NDOR1: variants seen among roughly 807,000 people sequenced by gnomAD.
NDOR1 encodes NADPH dependent diflavin oxidoreductase 1, also known as NADPH-dependent diflavin oxidoreductase 1.
NDOR1 carries 61 observed loss-of-function variants against 67.2 expected under a neutral mutation model. The ratio of observed to expected loss-of-function variants is 0.91; its 90% CI spans 0.74 to 1.12. The LOEUF is 1.12. NDOR1 is among the 50% of genes most tolerant of loss of function. The probability of loss-of-function intolerance (pLI) is 0.00; values close to 1 mark genes in which losing one functional copy is unlikely to be tolerated. For synonymous variants in NDOR1, 378 were observed against 343.7 expected (o/e 1.10, Z -1.10); for missense variants, 878 against 802.8 (o/e 1.09, Z -1.13).
chr9:137,207,081 C>T (rs1314783152), intron 2 of NDOR1, among the ~76,000 whole-genome samples: 3 of 151,992 alleles, frequency 2.0e-5, no homozygotes, highest in Admixed American at 6.6e-5. Context: ...GTAACCACAG[C>T]AAGGCAGATG....
rs1835710904 is a variant in NDOR1 at position 137,218,046 on chromosome 9, AGGCAGCAG to A, written c.*1636_*1643del. The A allele has an allele frequency of 2.5e-6, 1 of 399,454 alleles. No homozygotes were observed. Among genetic ancestry groups the A allele is most frequent in the Admixed American group, 4.4e-5 (1 of 22,728 alleles). 24.7% of individuals were successfully genotyped at this position (399,454 alleles called of 1,614,324 possible). On this transcript the variant is annotated 3_prime_UTR_variant, in exon 14 of 14. Coordinates refer to ENST00000684003, the MANE Select transcript of NDOR1 (RefSeq NM_014434.4). Reference sequence around the variant, plus strand: ...ACCTGGAAGGAGGAGGGGAGAGAGCAGGCAGCAGGGCAGGGGGAAGAGGAGGAGTGCCC... The same window carrying A: ...ACCTGGAAGGAGGAGGGGAGAGAGCAGGCAGGGGGAAGAGGAGGAGTGCCC...
At chr9:137,213,528 C>T (rs1032463794) in intron 3 of NDOR1, among the ~76,000 whole-genome samples, 1 of 152,218 alleles carries the variant, frequency 6.6e-6, no homozygotes, top group Non-Finnish European at 1.5e-5. Context: ...CCCACCCACA[C>T]AGGCTCATTC....
At chr9:137,207,872 C>T (rs1240103708) in intron 2 of NDOR1, among the ~76,000 whole-genome samples, 3 of 152,154 alleles carry the variant, frequency 2.0e-5, no homozygotes, top group Admixed American at 1.3e-4. Context: ...GGGCCGGCTG[C>T]GGTGGCTCAC....
In NDOR1 at chr9:137,216,391, G is replaced by T; in HGVS notation, c.1769G>T (p.Arg590Leu). 1 of 1,605,812 alleles carries T rather than the reference G, an allele frequency of 6.2e-7. No homozygotes were observed. The stretch of plus-strand genomic sequence containing the variant: ...CTAGCCAGGCTCCAGCAGACACGGC[G>T]CTTCCAGACAGAGACGTGGGCCTGA... ...AYLARLQQTR[R>L]FQTETWA The change falls in exon 14 of 14, where the codon CGC becomes CTC. Residue 590 changes from arginine (R) to leucine (L), a missense_variant. By Grantham distance (102) the Arg-to-Leu change is moderately radical. Coordinates refer to ENST00000684003, the MANE Select transcript of NDOR1 (RefSeq NM_014434.4).
chr9:137,215,097 G>T lies in NDOR1; in HGVS notation c.1068G>T (p.Val356=), dbSNP rs748099024. ...ACCCTGAGACTCTCTTTGCCTAGGT[G>T]CTCTGTGACTTCCCGCACACAGCTG... ...CNRPRRTILE[V]LCDFPHTAAA... Residue 356 remains valine, a splice_region_variant and synonymous_variant, in exon 9 of 14, where the codon GTG becomes GTT. Coordinates refer to ENST00000684003, the MANE Select transcript of NDOR1 (RefSeq NM_014434.4). 7.4e-6 allele frequency: 12 copies of T among 1,613,720 alleles called. No homozygotes were observed. The Admixed American group carries it at 1.8e-4, about 25-fold the overall frequency.
At chr9:137,207,487 C>T (rs570131194) in intron 2 of NDOR1, among the ~76,000 whole-genome samples, 3 of 151,920 alleles carry the variant, frequency 2.0e-5, no homozygotes, top group Non-Finnish European at 4.4e-5. Flanking sequence ...GATCCTGGGG[C>T]GGAGATAGGT....
chr9:137,215,124 C>T lies in NDOR1; in HGVS notation c.1095C>T (p.Ala365=), dbSNP rs200762867. The T allele has an allele frequency of 6.1e-5, 98 of 1,613,734 alleles. No individual in the cohort carries two copies. Among genetic ancestry groups the T allele is most frequent in the South Asian group, 3.6e-4 (33 of 91,042 alleles). ...EVLCDFPHTA[A]AIPPDYLLDL... ...TCTGTGACTTCCCGCACACAGCTGC[C>T]GCCATCCCTCCCGACTACCTGTTGG... Residue 365 remains alanine, a synonymous_variant, in exon 9 of 14, where the codon GCC becomes GCT. Transcript: ENST00000684003.
chr9:137,210,899 G>T (rs529939020), intron 2 of NDOR1, among the ~76,000 whole-genome samples: 1 of 152,340 alleles, frequency 6.6e-6, no homozygotes, highest in Non-Finnish European at 1.5e-5. Flanking sequence ...CCAACACTTT[G>T]GGAGGCCGAG....
chr9:137,215,016 G>C lies in NDOR1; in HGVS notation c.1063G>C (p.Glu355Gln). The stretch of plus-strand genomic sequence containing the variant: ...CAACCGGCCCCGCAGGACCATCCTG[G>C]AGGTGAGATGGGAGGGCGGCAGGCC... ...YCNRPRRTIL[E>Q]VLCDFPHTAA... Residue 355 changes from glutamate to glutamine, a missense_variant and splice_region_variant, in exon 8 of 14, where the codon GAG becomes CAG. Transcript: ENST00000684003. The C allele has an allele frequency of 5.0e-6, 8 of 1,611,782 alleles. No individual in the cohort carries two copies. Among genetic ancestry groups the C allele is most frequent in the Non-Finnish European group, 6.8e-6 (8 of 1,178,336 alleles).
At position 137,216,452 on chromosome 9, in the gene NDOR1, C is replaced by A; in HGVS notation, c.*36C>A. On this transcript the variant is annotated 3_prime_UTR_variant, in exon 14 of 14. Transcript: ENST00000684003. ...TGCCCGTGCCCCCTCTGACAGCCAT[C>A]CTCCTGGGAGCCCAGGAAGGCATCC... The A allele has an allele frequency of 1.3e-6, 2 of 1,579,308 alleles. No homozygotes were observed. The highest frequency in any genetic ancestry group is 2.2e-5 in the South Asian group (2 of 89,904).
At position 137,216,706 on chromosome 9, in the gene NDOR1, G is replaced by A. The variant is rs1200071558; in HGVS notation, c.*290G>A. On this transcript the variant is annotated 3_prime_UTR_variant, in exon 14 of 14. Coordinates refer to ENST00000684003, the MANE Select transcript of NDOR1 (RefSeq NM_014434.4). ...CCCAGTCAAGGTGGTGGCCTGGGCC[G>A]CTCCACCTCACCGGTGCAGTGACCC... 1.7e-5 allele frequency: 8 copies of A among 473,374 alleles called. No homozygotes were observed. Among genetic ancestry groups the A allele is most frequent in the South Asian group, 8.9e-5 (4 of 44,980 alleles). The allele number at this position is 473,374 out of a possible 1,614,324, so 29.3% of individuals were successfully genotyped here. A position where few individuals can be genotyped will look rare whatever the true frequency, so the allele number is the denominator to read the frequency against.
At chr9:137,210,360 C>T (rs1386648380) in intron 2 of NDOR1, among the ~76,000 whole-genome samples, 1 of 151,916 alleles carries the variant, frequency 6.6e-6, no homozygotes, top group Non-Finnish European at 1.5e-5. Context: ...GTAGCAGGGA[C>T]TGCAGGTGCG....
chr9:137,206,819 G>A (rs1157010276), intron 2 of NDOR1, among the ~76,000 whole-genome samples: 1 of 152,170 alleles, frequency 6.6e-6, no homozygotes, highest in Non-Finnish European at 1.5e-5. Flanking sequence ...AAGGGGCATC[G>A]AGCCTTATCT....
At position 137,219,185 on chromosome 9, in the gene NDOR1, G is replaced by A. The variant is rs1317752068; in HGVS notation, c.*2769G>A. ...TTGATCAGGCCCAGACCAGGTGGGG[G>A]TTGGCGCTGGCCTGTGTTGCAGGGG... On this transcript the variant is annotated 3_prime_UTR_variant, in exon 14 of 14. Transcript: ENST00000684003. 1.3e-5 allele frequency: 2 copies of A among 152,382 alleles called. No individual in the cohort carries two copies. The highest frequency in any genetic ancestry group is 2.4e-5 in the African/African-American group (1 of 41,464). The allele number at this position is 152,382 out of a possible 1,614,324, so 9.4% of individuals were successfully genotyped here.
At chr9:137,214,447 G>C (rs1835426474) in intron 6 of NDOR1, 34 bp downstream of exon 6, 12 of 1,564,306 alleles carry the variant, frequency 7.7e-6, no homozygotes, top group Non-Finnish European at 1.0e-5. Context: ...AGGGCAAGGT[G>C]AGGTGGGCCG....
chr9:137,212,429 C>T lies in NDOR1; in HGVS notation c.214-73C>T. 7.3e-7 allele frequency: 1 copy of T among 1,364,644 alleles called. No individual in the cohort carries two copies. The highest frequency in any genetic ancestry group is 1.7e-5 in the Admixed American group (1 of 59,194). 84.5% of individuals were successfully genotyped at this position (1,364,644 alleles called of 1,614,324 possible). ...ACCCACCTGCCTGTTCCCCTGAGACCCTCCCCTCACCCCCTGCTGTGGGGC... is the reference window on the plus strand; with the variant it reads ...ACCCACCTGCCTGTTCCCCTGAGACTCTCCCCTCACCCCCTGCTGTGGGGC... On this transcript the variant is annotated intron_variant, in intron 2 of 13. Coordinates refer to ENST00000684003, the MANE Select transcript of NDOR1 (RefSeq NM_014434.4). The surrounding 1 kb of genome is among the most constrained non-coding windows in gnomAD (Gnocchi z 4.3).
At position 137,216,002 on chromosome 9, in the gene NDOR1, C is replaced by G; in HGVS notation, c.1539C>G (p.Ala513=). 2 of 1,613,516 alleles carry G rather than the reference C, an allele frequency of 1.2e-6. No homozygotes were observed. The highest frequency in any genetic ancestry group is 1.7e-6 in the Non-Finnish European group (2 of 1,180,022). Residue 513 remains alanine (A), a synonymous_variant, in exon 12 of 14, where the codon GCC becomes GCG. Transcript: ENST00000684003. Reference sequence around the variant, plus strand: ...GGGACTGTCTGACCCTCATCCCTGCCTTCTCCCGGGAACAGGTGTGTATGC... The same window carrying G: ...GGGACTGTCTGACCCTCATCCCTGCGTTCTCCCGGGAACAGGTGTGTATGC... ...EKRDCLTLIP[A]FSREQEQKVY...
rs1835374643 is a variant in NDOR1 at position 137,213,726 on chromosome 9, G to A, written c.312-54G>A. The A allele has an allele frequency of 6.4e-6, 10 of 1,558,630 alleles. No individual in the cohort carries two copies. In the East Asian group the frequency reaches 2.1e-4, roughly 32 times the overall value. On this transcript the variant is annotated intron_variant, in intron 3 of 13. Transcript: ENST00000684003. ...ACTCTCCCGGGTTCCACTCTGCCTG[G>A]GCACCACTCTCCGCCCGGGCTCCAG... is the stretch of plus-strand genomic sequence containing the variant.
At chr9:137,214,104 A>C (rs200046105) in intron 5 of NDOR1, 36 bp downstream of exon 5, 178 of 1,530,404 alleles carry the variant, frequency 1.2e-4, no homozygotes, top group Non-Finnish European at 1.5e-4. Flanking sequence ...CAGGCGCAGC[A>C]GACCCAACCT....
Sources: gnomAD v4.1 joint callset for allele counts (sites outside exome capture counted in the v4.1 genomes callset) on GRCh38, gnomAD v4.1.1 for gene constraint, Gnocchi (gnomAD v3.1) non-coding constraint, MANE v1.5 for transcripts, NCBI Gene and HGNC (gene_info 2026-07-23, HGNC 2026-07-21) for gene names.